Variants in ACIN1 observed in about 807,000 individuals in gnomAD.
The protein encoded by ACIN1 is apoptotic chromatin condensation inducer 1, also known as apoptotic chromatin condensation inducer in the nucleus.
ACIN1 carries 16 observed loss-of-function variants against 146.6 expected under a neutral mutation model. That is an observed-to-expected ratio of 0.11 (90% confidence interval 0.07 to 0.17). ACIN1 has a LOEUF of 0.17. ACIN1 is among the 10% of genes least tolerant of loss of function. The pLI, the probability that ACIN1 is intolerant of heterozygous loss-of-function variation, is 1.00. For missense variants in ACIN1, 1,357 were observed against 1,609.3 expected, an observed-to-expected ratio of 0.84 and a Z score of 2.68; for synonymous variants, 569 against 582.7, an observed-to-expected ratio of 0.98 and a Z score of 0.34.
At chr14:23,082,633 T>C (rs1363439705) in intron 4 of ACIN1, among the ~76,000 whole-genome samples, 8 of 152,040 alleles carry the variant, frequency 5.3e-5, no homozygotes, top group Non-Finnish European at 1.2e-4. Flanking sequence ...TTAGTAGATA[T>C]GGGGTTTCAT....
chr14:23,064,251 T>C lies in ACIN1; in HGVS notation c.2449A>G (p.Ile817Val). The C allele has an allele frequency of 1.2e-6, 2 of 1,614,064 alleles. No homozygotes were observed. The highest frequency in any genetic ancestry group is 1.7e-6 in the Non-Finnish European group (2 of 1,180,042). The change falls in exon 12 of 19, where the codon ATC becomes GTC. Residue 817 changes from isoleucine to valine, a missense_variant. By Grantham distance (29) the Ile-to-Val change is conservative. Transcript: ENST00000605057. ...SITTESLKSL[I>V]PDIKPLAGQE... ...CCCGCCAGGGGTTTGATGTCGGGGA[T>C]GAGGCTCTGGGACACAGATACCCCC...
intron 8 of ACIN1, among the ~76,000 whole-genome samples, chr14:23,070,631 C>G (rs1033232539): frequency 2.0e-5 from 3 of 152,078 alleles, no homozygotes; most frequent in Non-Finnish European, 1.5e-5. Context: ...CAAATCTCAC[C>G]CCCTCTACCA....
rs766152645 is a variant in ACIN1 at position 23,064,448 on chromosome 14, C to G, written c.2349G>C (p.Glu783Asp). Reference protein sequence around the residue: ...KGVPAGNSDTEGGQPGRKRRW... With the variant: ...KGVPAGNSDTDGGQPGRKRRW... Reference sequence around the variant, plus strand: ...GTCGTTTCCGACCAGGCTGGCCCCCCTCTGTGTCACTGTTTCCAGCTGGCA... The same window carrying G: ...GTCGTTTCCGACCAGGCTGGCCCCCGTCTGTGTCACTGTTTCCAGCTGGCA... Residue 783 changes from glutamate (E) to aspartate (D), a missense_variant, in exon 11 of 19, where the codon GAG becomes GAC. This residue lies in a region of ACIN1 where 509 missense variants were observed against 719.6 expected (regional missense o/e 0.71). Transcript: ENST00000605057. The G allele has an allele frequency of 9.9e-6, 16 of 1,614,154 alleles. No homozygotes were observed. Among genetic ancestry groups the G allele is most frequent in the Non-Finnish European group, 1.4e-5 (16 of 1,180,060 alleles).
chr14:23,072,703 G>C (rs544069495), intron 8 of ACIN1, among the ~76,000 whole-genome samples: 2 of 152,300 alleles, frequency 1.3e-5, no homozygotes, highest in South Asian at 4.2e-4. Context: ...TTTTAAGCTA[G>C]GAATGAAATT....
intron 4 of ACIN1, among the ~76,000 whole-genome samples, chr14:23,084,503 A>C (rs2048035351): frequency 6.6e-6 from 1 of 151,454 alleles, no homozygotes; most frequent in Admixed American, 6.6e-5. Context: ...CCAGCTACTC[A>C]GGGGGCTGAG....
intron 8 of ACIN1, chr14:23,071,488 T>C: frequency 6.4e-7 from 1 of 1,551,698 alleles, no homozygotes; most frequent in Non-Finnish European, 8.7e-7. Context: ...GCCAGGCTGC[T>C]GGTAGTGGCT....
At position 23,059,453 on chromosome 14, in the gene ACIN1, G is replaced by T. The variant is rs553152810; in HGVS notation, c.3547C>A (p.Arg1183=). 4 of 1,613,568 alleles carry T rather than the reference G, an allele frequency of 2.5e-6. No homozygotes were observed. Among genetic ancestry groups the T allele is most frequent in the African/African-American group, 2.7e-5 (2 of 74,804 alleles). Residue 1183 remains arginine (R), a synonymous_variant, in exon 19 of 19, where the codon CGG becomes AGG. Coordinates refer to ENST00000605057, the MANE Select transcript of ACIN1 (RefSeq NM_001386863.1). The part of the protein sequence containing the change: ...DSQIVQKEAE[R]AERAKEREKR... ...TCCCGCTCCTTGGCCCGTTCGGCCCGCTCTGCCTCTTTCTGAACGATCTGT... is the reference window on the plus strand; with the variant it reads ...TCCCGCTCCTTGGCCCGTTCGGCCCTCTCTGCCTCTTTCTGAACGATCTGT...
chr14:23,090,905 T>G (rs942552673), intron 2 of ACIN1, among the ~76,000 whole-genome samples: 1 of 152,126 alleles, frequency 6.6e-6, no homozygotes, highest in African/African-American at 2.4e-5. Context: ...AAATTACTAT[T>G]CTTTATTTTT....
chr14:23,071,479 C>T (rs1300475668), intron 8 of ACIN1: 13 of 1,551,576 alleles, frequency 8.4e-6, no homozygotes, highest in East Asian at 2.4e-5. Context: ...AGGAAGAGGG[C>T]CAGGCTGCTG....
At chr14:23,090,230 A>G in intron 3 of ACIN1, 129 bp from the exon 4 acceptor site, 4 of 1,297,940 alleles carry the variant, frequency 3.1e-6, no homozygotes, top group Non-Finnish European at 4.1e-6. Context: ...AGCACCGTAT[A>G]AAAAGAAAAA....
In ACIN1 at chr14:23,083,654, G is replaced by C. The variant is rs1259465103; in HGVS notation, c.437-1818C>G. 1.2e-4 allele frequency among the ~76,000 whole-genome samples: 18 copies of C among 152,202 alleles called. No homozygotes were observed. The East Asian group carries it at 3.3e-3, about 28-fold the overall frequency. ...GGCTGAGGCAGAATGGCGTGAACCT[G>C]GGAGGCGGAGCTTGCAGTGAGTCGA... On this transcript the variant is annotated intron_variant, in intron 4 of 18. Transcript: ENST00000605057.
intron 6 of ACIN1, 34 bp from the exon 7 acceptor site, chr14:23,079,072 T>A: frequency 6.3e-7 from 1 of 1,589,188 alleles, no homozygotes; most frequent in Non-Finnish European, 8.6e-7. Context: ...CAAGGAAAAT[T>A]ATTGTATATG....
rs753197824 is a variant in ACIN1 at position 23,069,629 on chromosome 14, G to C, written c.2124-12C>G. ...CCTCCTTCTCCTCACTGACAGGAGGGGGGAGTGGTGGTGGGGGGGCGGGCA... is the reference window on the plus strand; with the variant it reads ...CCTCCTTCTCCTCACTGACAGGAGGCGGGAGTGGTGGTGGGGGGGCGGGCA... On this transcript the variant is annotated splice_polypyrimidine_tract_variant and intron_variant, in intron 8 of 18. Coordinates refer to ENST00000605057, the MANE Select transcript of ACIN1 (RefSeq NM_001386863.1). The C allele has an allele frequency of 5.7e-6, 9 of 1,585,824 alleles. No homozygotes were observed. The African/African-American group carries it at 9.5e-5, about 17-fold the overall frequency.
intron 14 of ACIN1, 137 bp from the exon 15 acceptor site, chr14:23,062,660 A>G (rs982661757): frequency 3.5e-6 from 3 of 846,052 alleles, no homozygotes; most frequent in Middle Eastern, 2.9e-4. Flanking sequence ...CCTTGCAGTA[A>G]GAATGTGAGA....
In ACIN1 at chr14:23,076,726, C is replaced by CA. The variant is rs553793907; in HGVS notation, c.2123+1424dup. On this transcript the variant is annotated intron_variant, in intron 8 of 18. Transcript: ENST00000605057. ...TACCCACTTCAAAACTGCCATTTCA[C>CA]AAAGGACATGCTTTTGTAAAATGGA... Among the ~76,000 whole-genome samples the CA allele has an allele frequency of 7.2e-4, 110 of 152,190 alleles. 1 individual carries two copies. In the East Asian group the frequency reaches 0.019, roughly 26 times the overall value.
chr14:23,062,011 T>C (rs2047307628), intron 16 of ACIN1, among the ~76,000 whole-genome samples, 157 bp downstream of exon 16: 1 of 147,528 alleles, frequency 6.8e-6, no homozygotes, highest in Non-Finnish European at 1.5e-5. Flanking sequence ...AGGTACCACT[T>C]TGAAGCCCCA....
rs949385054 is a variant in ACIN1, at chr14:23,069,066, G to C, written c.2265+410C>G. The C allele has an allele frequency of 4.0e-6, 4 of 989,350 alleles. No individual in the cohort carries two copies. The African/African-American group carries it at 7.0e-5, about 17-fold the overall frequency. The allele number at this position is 989,350 out of a possible 1,614,324, so 61.3% of individuals were successfully genotyped here. A position where few individuals can be genotyped will look rare whatever the true frequency, so the allele number is the denominator to read the frequency against. On this transcript the variant is annotated intron_variant, in intron 9 of 18. Coordinates refer to ENST00000605057, the MANE Select transcript of ACIN1 (RefSeq NM_001386863.1). The stretch of plus-strand genomic sequence containing the variant: ...AAAAATTTCTCAGCATGGCTGGTCT[G>C]GTGAGAACCACCAATGTCCACTAGA...
Position 23,074,842 on chromosome 14 carries a change from G to C in ACIN1, c.2123+3309C>G, listed in dbSNP as rs2047757920. ...GAGATTCAGAGAAGCTAATGGAAAA[G>C]GAAATTCCTATAGGCATATATGCTG... On this transcript the variant is annotated intron_variant, in intron 8 of 18. Transcript: ENST00000605057. Among the ~76,000 whole-genome samples, 2 of 152,108 alleles carry C rather than the reference G, an allele frequency of 1.3e-5. 1 individual carries two copies. Among genetic ancestry groups the C allele is most frequent in the South Asian group, 4.1e-4 (2 of 4,824 alleles).
At chr14:23,069,264 A>T in intron 9 of ACIN1, 2 of 1,247,486 alleles carry the variant, frequency 1.6e-6, no homozygotes, top group Non-Finnish European at 2.0e-6. Flanking sequence ...CTTCCCCAAC[A>T]AGGAAAGGAA....
Sources: allele counts gnomAD v4.1 joint callset (sites outside exome capture counted in the v4.1 genomes callset), GRCh38; gene constraint gnomAD v4.1.1; regional missense constraint gnomAD v4.1.1; transcripts MANE v1.5; gene names NCBI Gene and HGNC (gene_info 2026-07-23, HGNC 2026-07-21).